SSX1: variants seen among roughly 807,000 people sequenced by gnomAD.
SSX1 encodes SSX family member 1, also known as protein SSX1.
A neutral mutation model predicts 14.6 loss-of-function variants in SSX1; 58 were observed. That is an observed-to-expected ratio of 3.96 (90% CI 3.21 to 4.93). The LOEUF is 4.93. Ranked by LOEUF, SSX1 falls within the 30% of genes most tolerant of loss-of-function variation. The probability of loss-of-function intolerance (pLI) is 0.00; values close to 1 mark genes in which losing one functional copy is unlikely to be tolerated. For synonymous variants in SSX1, 46 were observed against 52.1 expected (o/e 0.88, Z 0.50); for missense variants, 272 against 143.1 (o/e 1.90, Z -4.60).
At chrX:48,256,097 C>T (rs1170331114) in intron 1 of SSX1, among the ~76,000 whole-genome samples, 12 of 106,208 alleles carry the variant, frequency 1.1e-4, no homozygotes, top group African/African-American at 2.1e-4. Context: ...TTGACCTCCT[C>T]GGCTCAAGTG....
intron 7 of SSX1, 99 bp downstream of exon 7, chrX:48,266,490 T>C (rs2059624506): frequency 8.5e-7 from 1 of 1,176,595 alleles, no homozygotes; most frequent in Non-Finnish European, 1.2e-6. Context: ...AAATCATTCC[T>C]TTCTCATAAT....
chrX:48,267,123 T>C lies in SSX1; in HGVS notation c.*274T>C, dbSNP rs1463491220. ...CTGAATGCATATTTCGGTTTGTGTATCCATGCACCTACGTCAGAAAACAAG... is the reference window on the plus strand; with the variant it reads ...CTGAATGCATATTTCGGTTTGTGTACCCATGCACCTACGTCAGAAAACAAG... On this transcript the variant is annotated 3_prime_UTR_variant, in exon 8 of 8. Coordinates refer to ENST00000376919, the MANE Select transcript of SSX1 (RefSeq NM_005635.4). The C allele has an allele frequency of 2.6e-5, 10 of 389,965 alleles. No homozygotes were observed. The highest frequency in any genetic ancestry group is 4.5e-5 in the Non-Finnish European group (10 of 220,543). The allele number at this position is 389,965 out of a possible 1,213,427, so 32.1% of individuals were successfully genotyped here.
At chrX:48,260,406 T>C (rs1319059408) in intron 4 of SSX1, among the ~76,000 whole-genome samples, 2 of 111,811 alleles carry the variant, frequency 1.8e-5, no homozygotes, top group Admixed American at 1.9e-4. Flanking sequence ...GTAGGTTGCC[T>C]GTTCACTCTG....
At chrX:48,255,660 G>A (rs6609679) in intron 1 of SSX1, among the ~76,000 whole-genome samples, 5 of 101,961 alleles carry the variant, frequency 4.9e-5, no homozygotes, top group African/African-American at 1.8e-4. Context: ...TAGTAGAGAC[G>A]GGGATTTGTT....
At position 48,267,370 on chromosome X, in the gene SSX1, C is replaced by G. The variant is rs181508369; in HGVS notation, c.*521C>G. 6 of 185,714 alleles carry G rather than the reference C, an allele frequency of 3.2e-5. No individual in the cohort carries two copies. Among genetic ancestry groups the G allele is most frequent in the Non-Finnish European group, 5.0e-5 (5 of 99,838 alleles). 15.3% of individuals were successfully genotyped at this position (185,714 alleles called of 1,213,427 possible). A position where few individuals can be genotyped will look rare whatever the true frequency, so the allele number is the denominator to read the frequency against. On this transcript the variant is annotated 3_prime_UTR_variant, in exon 8 of 8. Coordinates refer to ENST00000376919, the MANE Select transcript of SSX1 (RefSeq NM_005635.4). ...GGTCAAGCCCCCCTCACTCTGTTTCCTGTTCAGCATGTACTCCCCTCATCC... is the reference window on the plus strand; with the variant it reads ...GGTCAAGCCCCCCTCACTCTGTTTCGTGTTCAGCATGTACTCCCCTCATCC...
Position 48,266,371 on chromosome X carries a change from A to G in SSX1, c.551A>G (p.Glu184Gly). ...ATTTATGAAGAGATCAGTGACCCTG[A>G]GGAAGATGACGAGTAACTCCGTAAG... ...LVIYEEISDP[E>G]EDDE Residue 184 changes from glutamate (E) to glycine (G), a missense_variant, in exon 7 of 8, where the codon GAG (glutamate) becomes GGG (glycine). By Grantham distance (98) the Glu-to-Gly change is moderately conservative (BLOSUM62 -2). Coordinates refer to ENST00000376919, the MANE Select transcript of SSX1 (RefSeq NM_005635.4). 1 of 1,210,498 alleles carries G rather than the reference A, an allele frequency of 8.3e-7. No homozygotes were observed. The highest frequency in any genetic ancestry group is 1.1e-6 in the Non-Finnish European group (1 of 895,429).
At chrX:48,265,679 G>A (rs1441172240) in intron 6 of SSX1, among the ~76,000 whole-genome samples, 3 of 111,770 alleles carry the variant, frequency 2.7e-5, no homozygotes, top group Admixed American at 9.5e-5. Context: ...AAGGATAAAT[G>A]CTTGATGGGA....
chrX:48,267,330 A>G lies in SSX1; in HGVS notation c.*481A>G. 1 of 193,845 alleles carries G rather than the reference A, an allele frequency of 5.2e-6. No individual in the cohort carries two copies. Among genetic ancestry groups the G allele is most frequent in the South Asian group, 1.5e-4 (1 of 6,777 alleles). The allele number at this position is 193,845 out of a possible 1,213,427, so 16.0% of individuals were successfully genotyped here. ...TAAGCATCTCCCATCTGCTTTTCCC[A>G]TTGCCATGCGTCCTGGTCAAGCCCC... On this transcript the variant is annotated 3_prime_UTR_variant, in exon 8 of 8. Transcript: ENST00000376919.
Position 48,257,099 on chromosome X carries a change from C to G in SSX1, c.-20-123C>G, listed in dbSNP as rs1379482267. On this transcript the variant is annotated intron_variant, in intron 1 of 7. Coordinates refer to ENST00000376919, the MANE Select transcript of SSX1 (RefSeq NM_005635.4). ...ATGTCCTTACCCATGGACAGGTAAG[C>G]CCCGAATGGAGAAATGCAACCCCTA... 6 of 597,889 alleles carry G rather than the reference C, an allele frequency of 1.0e-5. No homozygotes were observed. The Admixed American group carries it at 1.5e-4, about 15-fold the overall frequency. The allele number at this position is 597,889 out of a possible 1,213,427, so 49.3% of individuals were successfully genotyped here.
chrX:48,266,709 C>T, intron 7 of SSX1, 145 bp from the exon 8 acceptor site: 4 of 509,113 alleles, frequency 7.9e-6, no homozygotes, highest in Non-Finnish European at 9.9e-6. Context: ...TGGTTCACTT[C>T]GAGGAACCAT....
intron 6 of SSX1, 116 bp from the exon 7 acceptor site, chrX:48,266,171 A>G: frequency 1.8e-6 from 2 of 1,130,465 alleles, no homozygotes; most frequent in Non-Finnish European, 2.4e-6. Context: ...GAAAAACTGG[A>G]TAAAGAAGGC....
intron 2 of SSX1, 116 bp downstream of exon 2, chrX:48,257,426 T>C: frequency 8.6e-7 from 1 of 1,165,815 alleles, no homozygotes; most frequent in Non-Finnish European, 1.1e-6. Context: ...TCGGGGGAGA[T>C]CTGGACCCTT....
intron 4 of SSX1, among the ~76,000 whole-genome samples, chrX:48,259,540 C>T (rs1463250327): frequency 1.3e-4 from 14 of 110,373 alleles, no homozygotes; most frequent in African/African-American, 2.0e-4. Flanking sequence ...CATGCTGGTG[C>T]GCTGCACCCA....
intron 6 of SSX1, among the ~76,000 whole-genome samples, 161 bp downstream of exon 6, chrX:48,264,078 G>A (rs1352383366): frequency 2.7e-5 from 3 of 112,096 alleles, no homozygotes; most frequent in Non-Finnish European, 5.6e-5. Flanking sequence ...TTCCAGAGAT[G>A]CAGACTGGAG....
chrX:48,257,311 G>C lies in SSX1; in HGVS notation c.69+1G>C. The C allele has an allele frequency of 2.5e-6, 3 of 1,210,596 alleles. No individual in the cohort carries two copies. Among genetic ancestry groups the C allele is most frequent in the Non-Finnish European group, 3.4e-6 (3 of 894,787 alleles). ...TAAAGCATCAGAGAAGAGAAGCAAG[G>C]TGACGTGACCTGGAGGGGGCAGAGC... On this transcript the variant is annotated splice_donor_variant, in intron 2 of 7. Transcript: ENST00000376919. LOFTEE classifies it high-confidence loss of function.
At chrX:48,262,499 C>T (rs1313810246) in intron 5 of SSX1, among the ~76,000 whole-genome samples, 6 of 111,867 alleles carry the variant, frequency 5.4e-5, no homozygotes, top group African/African-American at 1.6e-4. Context: ...CGGGGCCACT[C>T]CCATGGCTTA....
Position 48,266,361 on chromosome X carries a change from A to C in SSX1, c.541A>C (p.Ser181Arg), listed in dbSNP as rs782026692. The C allele has an allele frequency of 8.3e-7, 1 of 1,210,321 alleles. No homozygotes were observed. The highest frequency in any genetic ancestry group is 1.1e-6 in the Non-Finnish European group (1 of 895,397). Residue 181 changes from serine to arginine, a missense_variant, in exon 7 of 8, where the codon AGT becomes CGT. Ser to Arg is a moderately radical substitution (Grantham distance 110, BLOSUM62 -1). Transcript: ENST00000376919. ...GCAGCTGGTGATTTATGAAGAGATC[A>C]GTGACCCTGAGGAAGATGACGAGTA... is the stretch of plus-strand genomic sequence containing the variant. The part of the protein sequence containing the change: ...RKQLVIYEEI[S>R]DPEEDDE
At chrX:48,263,939 A>T in intron 6 of SSX1, 22 bp downstream of exon 6, 1 of 1,207,168 alleles carries the variant, frequency 8.3e-7, no homozygotes, top group African/African-American at 1.7e-5. Flanking sequence ...TGATTTGGGA[A>T]CAACTTCTCT....
rs782297412 is a variant in SSX1 at position 48,261,764 on chromosome X, A to G, written c.281-2A>G. 6 of 1,211,194 alleles carry G rather than the reference A, an allele frequency of 5.0e-6. No homozygotes were observed. The highest frequency in any genetic ancestry group is 4.3e-5 in the Admixed American group (2 of 46,032). The stretch of plus-strand genomic sequence containing the variant: ...GAAAAATTCTGATGTGTTCTCTTTC[A>G]GTTGAACATCCTCAGATGACTTTCG... On this transcript the variant is annotated splice_acceptor_variant, in intron 4 of 7. Transcript: ENST00000376919. LOFTEE classifies it high-confidence loss of function.
Sources: gnomAD v4.1 joint callset for allele counts (sites outside exome capture counted in the v4.1 genomes callset) on GRCh38, gnomAD v4.1.1 for gene constraint, MANE v1.5 for transcripts, NCBI Gene and HGNC (gene_info 2026-07-23, HGNC 2026-07-21) for gene names.